UBR3: variants seen among roughly 807,000 people sequenced by gnomAD.
UBR3 encodes the protein E3 ubiquitin-protein ligase UBR3.
In UBR3, 85 loss-of-function variants were observed where a neutral mutation model predicts 243.2. That is an observed-to-expected ratio of 0.35 (90% CI 0.29 to 0.42). The LOEUF is 0.42. Ranked by LOEUF, UBR3 falls within the 10% of genes least tolerant of loss-of-function variation. UBR3 has a pLI of 1.00. For synonymous variants in UBR3, 748 were observed against 799.8 expected (o/e 0.94, Z 1.09); for missense variants, 1,686 against 2,300.8 (o/e 0.73, Z 5.47).
intron 5 of UBR3, among the ~76,000 whole-genome samples, chr2:169,884,542 TTAATTAC>T (rs2084018969): frequency 6.6e-6 from 1 of 152,228 alleles, no homozygotes; most frequent in Non-Finnish European, 1.5e-5. Context: ...ATTTTTGAAT[TTAATTAC>T]TAATGAGGCT....
chr2:169,891,197 G>T lies in UBR3; in HGVS notation c.1071G>T (p.Lys357Asn). 6.5e-7 allele frequency: 1 copy of T among 1,550,076 alleles called. No homozygotes were observed. Among genetic ancestry groups the T allele is most frequent in the South Asian group, 1.2e-5 (1 of 83,980 alleles). Residue 357 changes from lysine to asparagine, a missense_variant, in exon 6 of 39, where the codon AAG becomes AAT. By Grantham distance (94) the Lys-to-Asn change is moderately conservative (BLOSUM62 0). This residue lies in a region of UBR3 where 200 missense variants were observed against 231.6 expected (regional missense o/e 0.86). Coordinates refer to ENST00000272793, the MANE Select transcript of UBR3 (RefSeq NM_172070.4). ...AGGATGGTAGTCAAGGTCTGGGCAA[G>T]AGAAAAAGGGTAAAACTAAGCAGTG... ...DDQDGSQGLG[K>N]RKRVKLSSGT...
intron 32 of UBR3, among the ~76,000 whole-genome samples, chr2:170,052,363 G>T (rs1352039146): frequency 6.6e-6 from 1 of 152,148 alleles, no homozygotes; most frequent in Non-Finnish European, 1.5e-5. Context: ...TCCTAAGGAA[G>T]TAAAATCAGT....
In UBR3 at chr2:169,827,686, G is replaced by A. The variant is rs1178455908; in HGVS notation, c.179G>A (p.Ser60Asn). 4 of 1,210,322 alleles carry A rather than the reference G, an allele frequency of 3.3e-6. No individual in the cohort carries two copies. Among genetic ancestry groups the A allele is most frequent in the Non-Finnish European group, 4.1e-6 (4 of 977,674 alleles). The allele number at this position is 1,210,322 out of a possible 1,614,324, so 75.0% of individuals were successfully genotyped here. ...ELQALLERVL[S>N]AERPLAAAAG... The stretch of plus-strand genomic sequence containing the variant: ...CAGGCGCTGCTGGAGCGGGTGCTGA[G>A]CGCCGAGCGGCCGCTGGCCGCGGCT... Residue 60 changes from serine (S) to asparagine (N), a missense_variant, in exon 1 of 39, where the codon AGC becomes AAC. Transcript: ENST00000272793.
rs749166395 is a variant in UBR3, at chr2:169,878,577, G to A, written c.1038+3G>A. On this transcript the variant is annotated splice_donor_region_variant and intron_variant, in intron 5 of 38. Coordinates refer to ENST00000272793, the MANE Select transcript of UBR3 (RefSeq NM_172070.4). ...GACAAGTGGATTCTTCAGATGAGGT[G>A]AGATTTAAAGTTCAAAACTTTTTAA... 6.5e-7 allele frequency: 1 copy of A among 1,549,516 alleles called. No individual in the cohort carries two copies. The highest frequency in any genetic ancestry group is 8.7e-7 in the Non-Finnish European group (1 of 1,145,952).
intron 36 of UBR3, chr2:170,077,315 G>A: frequency 1.3e-6 from 1 of 786,274 alleles, no homozygotes; most frequent in Non-Finnish European, 2.3e-6. Context: ...GCCTCCTTGT[G>A]TCACAAGGCC....
chr2:169,954,560 T>G (rs1435375812), intron 23 of UBR3, among the ~76,000 whole-genome samples: 2 of 150,824 alleles, frequency 1.3e-5, no homozygotes, highest in South Asian at 4.2e-4. Flanking sequence ...ATATTTCTTT[T>G]GTTACTTACC....
At chr2:170,034,577 TGAAG>T (rs1180755779) in intron 31 of UBR3, among the ~76,000 whole-genome samples, 1 of 152,032 alleles carries the variant, frequency 6.6e-6, no homozygotes, top group Non-Finnish European at 1.5e-5. Flanking sequence ...CATCACCTAT[TGAAG>T]GACATTTGGT....
chr2:169,882,063 T>C (rs1449408057), intron 5 of UBR3, among the ~76,000 whole-genome samples: 6 of 126,048 alleles, frequency 4.8e-5, no homozygotes, highest in Non-Finnish European at 9.3e-5. Flanking sequence ...TATATACACA[T>C]ATAATATAAT....
At chr2:169,903,182 G>C (rs2084894727) in intron 8 of UBR3, among the ~76,000 whole-genome samples, 1 of 152,166 alleles carries the variant, frequency 6.6e-6, no homozygotes, top group African/African-American at 2.4e-5. Flanking sequence ...GTACCAGTTT[G>C]AGTAAAAATA....
At chr2:169,900,948 C>T (rs919237689) in intron 8 of UBR3, among the ~76,000 whole-genome samples, 4 of 152,150 alleles carry the variant, frequency 2.6e-5, no homozygotes, top group African/African-American at 9.7e-5. Context: ...CTTTTACACT[C>T]AAAAGCGTCC....
chr2:169,930,678 C>A (rs966742175), intron 18 of UBR3, among the ~76,000 whole-genome samples: 1 of 152,178 alleles, frequency 6.6e-6, no homozygotes, highest in Non-Finnish European at 1.5e-5. Flanking sequence ...AACCGCCATG[C>A]CTAGCCAGTT....
intron 10 of UBR3, 80 bp downstream of exon 10, chr2:169,906,244 A>AT: frequency 7.0e-7 from 1 of 1,419,184 alleles, no homozygotes; most frequent in Non-Finnish European, 9.3e-7. Context: ...TTTGTATATA[A>AT]TGTGCAGTGT....
chr2:169,964,220 T>G (rs143703706), intron 24 of UBR3, among the ~76,000 whole-genome samples: 79 of 152,260 alleles, frequency 5.2e-4, no homozygotes, highest in African/African-American at 1.8e-3. Context: ...ATAGTCAAAG[T>G]TTTGTGCTCT....
At chr2:169,849,583 C>T (rs531435055) in intron 1 of UBR3, among the ~76,000 whole-genome samples, 6 of 152,310 alleles carry the variant, frequency 3.9e-5, no homozygotes, top group East Asian at 1.9e-4. Context: ...GCATGAGCCA[C>T]GGTGCCCGGC....
chr2:170,061,265 T>A (rs2091451263), intron 34 of UBR3, 53 bp from the exon 35 acceptor site: 1 of 1,585,224 alleles, frequency 6.3e-7, no homozygotes, highest in Non-Finnish European at 8.5e-7. Context: ...ATGTAATTTT[T>A]AAAAACTCTT....
intron 24 of UBR3, among the ~76,000 whole-genome samples, chr2:169,969,937 C>CTTTTTTTTTTTTTTTTTTTTTTTT (rs34413545): frequency 1.1e-5 from 1 of 89,774 alleles, no homozygotes; most frequent in Non-Finnish European, 2.2e-5. Context: ...ATGCCTCCAG[C>CTTTTTTTTTTTTTTTTTTTTTTTT]TTTTTTTTTT....
Position 169,835,998 on chromosome 2 carries a change from TC to T in UBR3, c.545+7947del, listed in dbSNP as rs2082076800. 7.8e-3 allele frequency among the ~76,000 whole-genome samples: 252 copies of T among 32,104 alleles called. 13 individuals are homozygous for T. Among genetic ancestry groups the T allele is most frequent in the African/African-American group, 0.02 (218 of 10,988 alleles). 21.1% of individuals were successfully genotyped at this position (32,104 alleles called of 152,430 possible). A position where few individuals can be genotyped will look rare whatever the true frequency, so the allele number is the denominator to read the frequency against. ...CTGAAATTCCTGTGTGCACTGTCTC[TC>T]TCTCTCTCTCTCTCTCTCTCTCTCT... On this transcript the variant is annotated intron_variant, in intron 1 of 38. Coordinates refer to ENST00000272793, the MANE Select transcript of UBR3 (RefSeq NM_172070.4).
intron 25 of UBR3, 104 bp from the exon 26 acceptor site, chr2:169,994,219 G>T: frequency 7.5e-7 from 1 of 1,334,370 alleles, no homozygotes; most frequent in Non-Finnish European, 1.0e-6. Flanking sequence ...TTCTAATAGT[G>T]AAATAATTTG....
intron 32 of UBR3, among the ~76,000 whole-genome samples, chr2:170,053,866 G>T (rs933747638): frequency 2.6e-5 from 4 of 152,126 alleles, no homozygotes; most frequent in African/African-American, 9.7e-5. Context: ...GAAGAAAAAT[G>T]ATCTATATGG....
Sources: gnomAD v4.1 joint callset for allele counts (sites outside exome capture counted in the v4.1 genomes callset) on GRCh38, gnomAD v4.1.1 for gene constraint, gnomAD v4.1.1 regional missense constraint, MANE v1.5 for transcripts, NCBI Gene and HGNC (gene_info 2026-07-23, HGNC 2026-07-21) for gene names.